MYO10: variants seen among roughly 807,000 people sequenced by gnomAD.
MYO10 encodes the protein unconventional myosin-X.
In MYO10, 133 loss-of-function variants were observed where a neutral mutation model predicts 257.3. That is an observed-to-expected ratio of 0.52 (90% confidence interval 0.45 to 0.60). MYO10 has a LOEUF of 0.60. Among genes scored for constraint, MYO10 ranks in the 20% least tolerant of loss-of-function variants. The probability of loss-of-function intolerance (pLI) is 0.00; values close to 1 mark genes in which losing one functional copy is unlikely to be tolerated. For synonymous variants in MYO10, 1,104 were observed against 1,028.6 expected, an observed-to-expected ratio of 1.07 and a Z score of -1.40; for missense variants, 2,399 against 2,635.7, an observed-to-expected ratio of 0.91 and a Z score of 1.97.
intron 2 of MYO10, among the ~76,000 whole-genome samples, chr5:16,855,185 A>C (rs1006675547): frequency 2.0e-5 from 3 of 152,164 alleles, no homozygotes; most frequent in Non-Finnish European, 4.4e-5. Context: ...CTATTTTAAA[A>C]TCTCCATCAA....
intron 19 of MYO10, among the ~76,000 whole-genome samples, chr5:16,716,051 G>A (rs1434785855): frequency 1.7e-4 from 13 of 75,716 alleles, no homozygotes; most frequent in East Asian, 4.2e-4. Context: ...GTGACACTCC[G>A]TCTCGAAAAA....
intron 2 of MYO10, among the ~76,000 whole-genome samples, chr5:16,835,704 G>A (rs1743293310): frequency 6.6e-6 from 1 of 150,580 alleles, no homozygotes; most frequent in East Asian, 1.9e-4. Context: ...GAAATATCAG[G>A]AAAACACTCT....
chr5:16,790,403 G>C (rs949824990), intron 4 of MYO10, among the ~76,000 whole-genome samples: 4 of 152,208 alleles, frequency 2.6e-5, no homozygotes, highest in African/African-American at 9.6e-5. Flanking sequence ...GATATGGTTT[G>C]GCTGTGTCCC....
At chr5:16,867,822 G>C (rs542458556) in intron 2 of MYO10, among the ~76,000 whole-genome samples, 1 of 152,306 alleles carries the variant, frequency 6.6e-6, no homozygotes, top group South Asian at 2.1e-4. Flanking sequence ...AAAATGAGAA[G>C]AATTTTTTCA....
chr5:16,705,545 T>C (rs1738290792), intron 21 of MYO10, among the ~76,000 whole-genome samples: 1 of 152,224 alleles, frequency 6.6e-6, no homozygotes. Context: ...TTTTGAATGA[T>C]TCCCTATAAC....
intron 3 of MYO10, among the ~76,000 whole-genome samples, chr5:16,809,207 G>A (rs1742362947): frequency 6.6e-6 from 1 of 151,180 alleles, no homozygotes; most frequent in Non-Finnish European, 1.5e-5. Context: ...AGTCCTGACT[G>A]TGTTCATCTG....
intron 24 of MYO10, 119 bp downstream of exon 24, chr5:16,702,424 T>C: frequency 1.0e-6 from 1 of 993,086 alleles, no homozygotes; most frequent in South Asian, 1.6e-5. Flanking sequence ...ACACATCCTC[T>C]TAAATTGTTC....
At chr5:16,719,989 CGTGTGTGTGTGTGT>C (rs10526050) in intron 19 of MYO10, among the ~76,000 whole-genome samples, 43 of 143,560 alleles carry the variant, frequency 3.0e-4, no homozygotes, top group African/African-American at 9.9e-4. Flanking sequence ...TGTGTGCGTG[CGTGTGTGTGTGTGT>C]GTGTGTGTGT....
At chr5:16,698,674 G>A (rs154287) in intron 26 of MYO10, among the ~76,000 whole-genome samples, 52,155 of 139,978 alleles carry the variant, frequency 0.37, 10,704 homozygotes, top group African/African-American at 0.56. Flanking sequence ...CCCAGGCTGG[G>A]GTGCAGTGGC....
chr5:16,736,852 GGCTCAGCAAAGGGGATTTGTTTTA>G (rs1438063238), intron 19 of MYO10, among the ~76,000 whole-genome samples: 1 of 152,026 alleles, frequency 6.6e-6, no homozygotes, highest in African/African-American at 2.4e-5. Flanking sequence ...GATTTGTTTT[GGCTCAGCAAAGGGGATTTGTTTTA>G]GCTCAGCAAA....
At chr5:16,826,770 G>A (rs1561005548) in intron 2 of MYO10, among the ~76,000 whole-genome samples, 1 of 152,108 alleles carries the variant, frequency 6.6e-6, no homozygotes, top group Non-Finnish European at 1.5e-5. Context: ...TGGGGATGTC[G>A]CTCTTATTTT....
intron 1 of MYO10, among the ~76,000 whole-genome samples, chr5:16,892,515 C>T (rs1580122100): frequency 2.0e-5 from 3 of 152,084 alleles, no homozygotes; most frequent in South Asian, 2.1e-4. Context: ...TGGTGGCATG[C>T]GCCTATAGTC....
intron 1 of MYO10, among the ~76,000 whole-genome samples, chr5:16,899,122 C>A: frequency 8.2e-6 from 1 of 121,226 alleles, no homozygotes; most frequent in Admixed American, 9.1e-5. Context: ...GTGACAGAAC[C>A]AGACTCTGTC....
intron 31 of MYO10, 63 bp from the exon 32 acceptor site, chr5:16,681,566 T>A: frequency 6.9e-7 from 1 of 1,454,100 alleles, no homozygotes; most frequent in African/African-American, 1.4e-5. Flanking sequence ...GACCACACAA[T>A]CATCTGCATA....
chr5:16,811,076 A>AC (rs1457588452), intron 3 of MYO10, among the ~76,000 whole-genome samples: 8 of 151,740 alleles, frequency 5.3e-5, no homozygotes, highest in African/African-American at 1.9e-4. Context: ...CTCAAAAAAA[A>AC]AAAAAAAAAC....
At chr5:16,869,740 C>G (rs968821297) in intron 2 of MYO10, among the ~76,000 whole-genome samples, 1 of 151,216 alleles carries the variant, frequency 6.6e-6, no homozygotes, top group Non-Finnish European at 1.5e-5. Flanking sequence ...TGACGCATGC[C>G]TCTAATCCCA....
At chr5:16,837,579 AAAG>A (rs1401359753) in intron 2 of MYO10, among the ~76,000 whole-genome samples, 2 of 152,174 alleles carry the variant, frequency 1.3e-5, no homozygotes, top group African/African-American at 4.8e-5. Flanking sequence ...TAAATACACT[AAAG>A]AAGTTGCTGA....
intron 2 of MYO10, among the ~76,000 whole-genome samples, chr5:16,852,191 CT>C (rs1743828872): frequency 6.8e-6 from 1 of 147,482 alleles, no homozygotes; most frequent in African/African-American, 2.5e-5. Flanking sequence ...CTGTGTATAA[CT>C]TTAGGTACAT....
intron 10 of MYO10, among the ~76,000 whole-genome samples, chr5:16,767,952 AC>A (rs1740928599): frequency 6.6e-6 from 1 of 152,212 alleles, no homozygotes; most frequent in Non-Finnish European, 1.5e-5. Context: ...TGCTAGGATT[AC>A]AGGCATGGGC....
Sources: allele counts gnomAD v4.1 joint callset (sites outside exome capture counted in the v4.1 genomes callset), GRCh38; gene constraint gnomAD v4.1.1; transcripts MANE v1.5; gene names NCBI Gene and HGNC (gene_info 2026-07-23, HGNC 2026-07-21).